IKZF2: variants seen among roughly 807,000 people sequenced by gnomAD.
IKZF2 encodes zinc finger protein Helios.
Under a neutral mutation model 49.2 loss-of-function variants are expected in IKZF2, and 15 were observed. That is an observed-to-expected ratio of 0.30 (90% CI 0.20 to 0.47). The LOEUF (loss-of-function observed/expected upper bound fraction) is 0.47. Among genes scored for constraint, IKZF2 ranks in the 20% least tolerant of loss-of-function variants. The pLI is 1.00. For synonymous variants in IKZF2, 227 were observed against 221.4 expected (o/e 1.03, Z -0.23); for missense variants, 567 against 664.6 (o/e 0.85, Z 1.61).
At chr2:213,112,870 A>AAC (rs2059759174) in intron 4 of IKZF2, among the ~76,000 whole-genome samples, 1 of 152,128 alleles carries the variant, frequency 6.6e-6, no homozygotes, top group Non-Finnish European at 1.5e-5. Context: ...ACTAGCATCT[A>AAC]CCTCATAGGG....
chr2:213,005,743 T>C lies in IKZF2; in HGVS notation c.*1617A>G, dbSNP rs943880390. 1.3e-5 allele frequency: 2 copies of C among 152,032 alleles called. No homozygotes were observed. Among genetic ancestry groups the C allele is most frequent in the Non-Finnish European group, 2.9e-5 (2 of 67,982 alleles). 9.4% of individuals were successfully genotyped at this position (152,032 alleles called of 1,614,324 possible). On this transcript the variant is annotated 3_prime_UTR_variant, in exon 9 of 9. Transcript: ENST00000434687. Reference sequence around the variant, plus strand: ...GCCTTCCAAGTATGTCCCCCTAAAATGACTTGAATCAATATCACTCGGTTC... The same window carrying C: ...GCCTTCCAAGTATGTCCCCCTAAAACGACTTGAATCAATATCACTCGGTTC...
intron 6 of IKZF2, among the ~76,000 whole-genome samples, chr2:213,048,422 T>C (rs1473898687): frequency 1.3e-5 from 2 of 152,112 alleles, no homozygotes; most frequent in South Asian, 2.1e-4. Context: ...TGTTATATAA[T>C]GTTTGGACAA....
intron 5 of IKZF2, among the ~76,000 whole-genome samples, chr2:213,051,107 A>T (rs997155102): frequency 1.3e-5 from 2 of 152,078 alleles, no homozygotes; most frequent in African/African-American, 4.8e-5. Context: ...AATAATGAAT[A>T]ATAAAAACTC....
At chr2:213,123,832 C>T (rs1244624654) in intron 4 of IKZF2, among the ~76,000 whole-genome samples, 2 of 151,756 alleles carry the variant, frequency 1.3e-5, no homozygotes, top group African/African-American at 4.8e-5. Flanking sequence ...ATTCTAAATA[C>T]AAGGGCCAAT....
chr2:213,038,387 A>G (rs1424596587), intron 6 of IKZF2, among the ~76,000 whole-genome samples: 2 of 152,176 alleles, frequency 1.3e-5, no homozygotes, highest in African/African-American at 4.8e-5. Flanking sequence ...TGTAAATAGG[A>G]AAACAACCGA....
intron 4 of IKZF2, among the ~76,000 whole-genome samples, chr2:213,084,593 T>C (rs571870175): frequency 2.1e-4 from 14 of 68,182 alleles, no homozygotes; most frequent in African/African-American, 6.7e-4. Flanking sequence ...TATGTCACTC[T>C]AAAAAAGAAA....
intron 6 of IKZF2, among the ~76,000 whole-genome samples, chr2:213,032,515 C>T (rs1698556032): frequency 6.6e-6 from 1 of 152,160 alleles, no homozygotes; most frequent in Non-Finnish European, 1.5e-5. Context: ...AGGAGGATCA[C>T]TAAAGCCCAG....
chr2:213,146,270 T>C (rs997480505), intron 4 of IKZF2, among the ~76,000 whole-genome samples: 2 of 152,070 alleles, frequency 1.3e-5, no homozygotes, highest in South Asian at 4.1e-4. Flanking sequence ...TTGCCTAAAT[T>C]GTAGTCATAG....
intron 6 of IKZF2, among the ~76,000 whole-genome samples, chr2:213,026,692 C>A (rs527644527): frequency 5.3e-4 from 80 of 151,788 alleles, no homozygotes; most frequent in Non-Finnish European, 1.0e-3. Flanking sequence ...TCTGTATTAT[C>A]CTCTTGCATT....
intron 4 of IKZF2, among the ~76,000 whole-genome samples, chr2:213,124,079 C>T (rs1405240317): frequency 6.6e-6 from 1 of 152,062 alleles, no homozygotes; most frequent in East Asian, 1.9e-4. Context: ...AGCAAAATCC[C>T]AGAGACCACC....
chr2:213,086,337 T>C (rs7571022), intron 4 of IKZF2, among the ~76,000 whole-genome samples: 5,401 of 152,110 alleles, frequency 0.036, 330 homozygotes, highest in African/African-American at 0.12. Flanking sequence ...GGAAGAAAGC[T>C]GCAAATGTTA....
chr2:213,138,163 A>G (rs1297614176), intron 4 of IKZF2, among the ~76,000 whole-genome samples: 2 of 152,114 alleles, frequency 1.3e-5, no homozygotes, highest in African/African-American at 4.8e-5. Context: ...TGGCTTTAAA[A>G]TTACAAGTAT....
chr2:213,122,638 T>C (rs756670716), intron 4 of IKZF2, among the ~76,000 whole-genome samples: 36 of 152,246 alleles, frequency 2.4e-4, no homozygotes, highest in Non-Finnish European at 3.5e-4. Context: ...TGAAACACTC[T>C]TACCAAATCT....
At chr2:213,126,857 A>C (rs1559308311) in intron 4 of IKZF2, among the ~76,000 whole-genome samples, 1 of 152,244 alleles carries the variant, frequency 6.6e-6, no homozygotes, top group East Asian at 1.9e-4. Flanking sequence ...ACTACACATC[A>C]GAATGGAATG....
intron 6 of IKZF2, among the ~76,000 whole-genome samples, chr2:213,029,857 C>G (rs1190575443): frequency 1.3e-5 from 2 of 151,992 alleles, no homozygotes; most frequent in African/African-American, 4.8e-5. Flanking sequence ...ACACTACAGT[C>G]ACAATGAACC....
chr2:213,104,758 C>A (rs2059468139), intron 4 of IKZF2, among the ~76,000 whole-genome samples: 1 of 152,182 alleles, frequency 6.6e-6, no homozygotes. Context: ...GCTTGCCCTG[C>A]ATTTTCTTTT....
upstream of IKZF2, chr2:213,151,990 G>C (rs1301890757): frequency 6.6e-6 from 1 of 151,948 alleles, no homozygotes; most frequent in Admixed American, 6.5e-5. Flanking sequence ...GCGCCCACCC[G>C]CGCGCCCGGC....
chr2:213,057,052 T>A lies in IKZF2; in HGVS notation c.187A>T (p.Lys63Ter). 1 of 1,613,868 alleles carries A rather than the reference T, an allele frequency of 6.2e-7. No homozygotes were observed. The highest frequency in any genetic ancestry group is 8.5e-7 in the Non-Finnish European group (1 of 1,179,840). ...EMQSDEECDRKPLSREDEIRG... is the reference protein window; with the variant it reads ...EMQSDEECDR ...ATCTCATCTTCACGGCTCAGGGGTT[T>A]CCTGTCACACTCTTCATCACTCTGC... Residue 63 changes from lysine (K) to a stop codon, truncating the protein, a stop_gained, in exon 5 of 9, where the codon AAA (lysine) becomes TAA (stop). Coordinates refer to ENST00000434687, the MANE Select transcript of IKZF2 (RefSeq NM_001387220.1). LOFTEE classifies it high-confidence loss of function.
chr2:213,143,147 C>T (rs1428926311), intron 4 of IKZF2, among the ~76,000 whole-genome samples: 1 of 151,766 alleles, frequency 6.6e-6, no homozygotes, highest in East Asian at 1.9e-4. Flanking sequence ...ATCAACATGT[C>T]AAAAGTTAGG....
Sources: allele counts gnomAD v4.1 joint callset (sites outside exome capture counted in the v4.1 genomes callset), GRCh38; gene constraint gnomAD v4.1.1; transcripts MANE v1.5; gene names NCBI Gene and HGNC (gene_info 2026-07-23, HGNC 2026-07-21).